ROBO2: variants seen among roughly 807,000 people sequenced by gnomAD.
ROBO2 encodes the protein roundabout homolog 2.
Under a neutral mutation model 160.8 loss-of-function variants are expected in ROBO2, and 53 were observed. The ratio of observed to expected loss-of-function variants is 0.33; its 90% CI spans 0.26 to 0.41. The LOEUF (loss-of-function observed/expected upper bound fraction) is 0.41, where lower values mean the gene tolerates loss of function less well. Ranked by LOEUF, ROBO2 falls within the 10% of genes least tolerant of loss-of-function variation. ROBO2 has a pLI of 1.00. For synonymous variants in ROBO2, 664 were observed against 611.7 expected, an observed-to-expected ratio of 1.09 and a Z score of -1.26; for missense variants, 1,577 against 1,722.4, an observed-to-expected ratio of 0.92 and a Z score of 1.49.
In ROBO2 at chr3:77,413,434, G is replaced by A. The variant is rs551143640; in HGVS notation, c.389-63980G>A. On this transcript the variant is annotated intron_variant, in intron 2 of 25. Coordinates refer to ENST00000461745, the Ensembl canonical transcript of ROBO2. ...CCATGAGCAGGGGCCAGGTCATGGA[G>A]TCTCTTTGGGAACTTTGGCTTTGAT... Among the ~76,000 whole-genome samples the A allele has an allele frequency of 2.0e-5, 3 of 152,260 alleles. No homozygotes were observed. The South Asian group carries it at 6.2e-4, about 32-fold the overall frequency.
chr3:77,285,193 G>A (rs867368792), intron 2 of ROBO2, among the ~76,000 whole-genome samples: 5 of 152,086 alleles, frequency 3.3e-5, no homozygotes, highest in African/African-American at 7.2e-5. Context: ...TGATGTTACC[G>A]GTCTTCTTGT....
intron 2 of ROBO2, among the ~76,000 whole-genome samples, chr3:76,660,682 T>G (rs776655178): frequency 6.6e-6 from 1 of 152,128 alleles, no homozygotes; most frequent in African/African-American, 2.4e-5. Context: ...ATTTCTAGAG[T>G]TGTAGTTCAT....
chr3:77,572,892 C>A (rs933383529), intron 13 of ROBO2, among the ~76,000 whole-genome samples: 7 of 151,972 alleles, frequency 4.6e-5, no homozygotes, highest in African/African-American at 1.7e-4. Context: ...AAACTGCCGA[C>A]AAATTTCAAC....
At chr3:77,255,889 T>A (rs1242213006) in intron 2 of ROBO2, among the ~76,000 whole-genome samples, 1 of 152,214 alleles carries the variant, frequency 6.6e-6, no homozygotes, top group Admixed American at 6.5e-5. Flanking sequence ...TCCAGTCACT[T>A]CTTTACATTT....
chr3:76,976,718 A>G (rs2059833577), intron 2 of ROBO2, among the ~76,000 whole-genome samples: 1 of 152,208 alleles, frequency 6.6e-6, no homozygotes, highest in Non-Finnish European at 1.5e-5. Context: ...GTCTGAAAAC[A>G]TAGTTAATGT....
intron 4 of ROBO2, among the ~76,000 whole-genome samples, chr3:77,488,163 G>T (rs1301293806): frequency 6.6e-6 from 1 of 152,140 alleles, no homozygotes; most frequent in African/African-American, 2.4e-5. Flanking sequence ...TGACAGGGCT[G>T]ACTACTTGAG....
chr3:77,396,825 C>A (rs1003204327), intron 2 of ROBO2, among the ~76,000 whole-genome samples: 1 of 151,988 alleles, frequency 6.6e-6, no homozygotes. Context: ...AAAAGGAAGG[C>A]ACTTATGTGG....
At chr3:77,642,863 G>A (rs2095368301) in intron 24 of ROBO2, 2 of 456,534 alleles carry the variant, frequency 4.4e-6, no homozygotes, top group African/African-American at 2.0e-5. Context: ...GAGTGGCAGC[G>A]ACAAACCCAG....
At chr3:76,507,307 A>G (rs2080848387) in intron 2 of ROBO2, among the ~76,000 whole-genome samples, 1 of 152,132 alleles carries the variant, frequency 6.6e-6, no homozygotes, top group Non-Finnish European at 1.5e-5. Flanking sequence ...GAGTTTATTT[A>G]TGAAATTTGA....
At chr3:76,455,884 T>C (rs2077724146) in intron 2 of ROBO2, among the ~76,000 whole-genome samples, 1 of 152,166 alleles carries the variant, frequency 6.6e-6, no homozygotes, top group African/African-American at 2.4e-5. Context: ...ACTATACCAA[T>C]TCTATTTTGG....
intron 1 of ROBO2, among the ~76,000 whole-genome samples, chr3:77,079,942 CT>C (rs2068457112): frequency 6.6e-6 from 1 of 152,182 alleles, no homozygotes; most frequent in South Asian, 2.1e-4. Context: ...TAGGCAAACT[CT>C]TTTAATTCCA....
At chr3:77,028,674 G>A (rs1325282855) in intron 2 of ROBO2, among the ~76,000 whole-genome samples, 2 of 152,052 alleles carry the variant, frequency 1.3e-5, no homozygotes, top group African/African-American at 2.4e-5. Context: ...AGCCAAGATC[G>A]CGTCACTGTA....
intron 2 of ROBO2, among the ~76,000 whole-genome samples, chr3:77,410,684 CTCTTCCTCCTCCTCT>C (rs2076694803): frequency 2.0e-4 from 28 of 136,870 alleles, no homozygotes; most frequent in Admixed American, 4.4e-4. Flanking sequence ...CCTCCTCCTC[CTCTTCCTCCTCCTCT>C]TCCTCCTCCT....
chr3:76,995,547 A>G (rs1578132550), intron 2 of ROBO2, among the ~76,000 whole-genome samples: 1 of 152,154 alleles, frequency 6.6e-6, no homozygotes, highest in Admixed American at 6.5e-5. Flanking sequence ...CAATGGTTGA[A>G]CTAGTTTACA....
chr3:76,779,026 A>G (rs1467064047), intron 2 of ROBO2, among the ~76,000 whole-genome samples: 3 of 151,056 alleles, frequency 2.0e-5, no homozygotes, highest in Non-Finnish European at 4.5e-5. Flanking sequence ...AAAATAGGTA[A>G]TCAACAGAAC....
chr3:76,393,139 G>T (rs2077239522), intron 2 of ROBO2, among the ~76,000 whole-genome samples: 4 of 152,094 alleles, frequency 2.6e-5, no homozygotes, highest in African/African-American at 9.7e-5. Context: ...TTTGTGTATT[G>T]CAATCATCAT....
At chr3:76,506,634 A>T (rs929339427) in intron 2 of ROBO2, among the ~76,000 whole-genome samples, 5 of 152,090 alleles carry the variant, frequency 3.3e-5, no homozygotes, top group Admixed American at 3.3e-4. Context: ...AGATATTGTG[A>T]TTTATAATTT....
At chr3:77,105,626 A>G (rs2072691129) in intron 2 of ROBO2, among the ~76,000 whole-genome samples, 1 of 152,152 alleles carries the variant, frequency 6.6e-6, no homozygotes. Flanking sequence ...ACGTGTATGA[A>G]TTTGTGATCT....
chr3:76,801,238 G>T (rs902194396), intron 2 of ROBO2, among the ~76,000 whole-genome samples: 1 of 152,154 alleles, frequency 6.6e-6, no homozygotes, highest in African/African-American at 2.4e-5. Context: ...GAGTAGAGTA[G>T]TATGACAGTT....
Sources: gnomAD v4.1 joint callset for allele counts (sites outside exome capture counted in the v4.1 genomes callset) on GRCh38, gnomAD v4.1.1 for gene constraint, MANE v1.5 for transcripts, NCBI Gene and HGNC (gene_info 2026-07-23, HGNC 2026-07-21) for gene names.